The following PLXNB1 variants were observed in gnomAD, a reference collection of about 807,000 sequenced individuals.
PLXNB1 encodes the protein plexin B1.
Under a neutral mutation model 209.4 loss-of-function variants are expected in PLXNB1, and 106 were observed. That is an observed-to-expected ratio of 0.51 (90% confidence interval 0.43 to 0.59). PLXNB1 has a LOEUF of 0.59. Ranked by LOEUF, PLXNB1 falls within the 20% of genes least tolerant of loss-of-function variation. PLXNB1 has a pLI of 0.00. For missense variants in PLXNB1, 2,357 were observed against 2,853.2 expected, an observed-to-expected ratio of 0.83 and a Z score of 3.96; for synonymous variants, 1,167 against 1,183.2, an observed-to-expected ratio of 0.99 and a Z score of 0.28.
chr3:48,409,547 A>G lies in PLXNB1; in HGVS notation c.5939+24T>C, dbSNP rs1389107845. ...AAGAGAAGACCCCCCACACACACCTAGAGCCCACCCAGCTCCACCCCACCT... is the reference window on the plus strand; with the variant it reads ...AAGAGAAGACCCCCCACACACACCTGGAGCCCACCCAGCTCCACCCCACCT... On this transcript the variant is annotated intron_variant, in intron 33 of 37. Coordinates refer to ENST00000296440, the MANE Select transcript of PLXNB1 (RefSeq NM_001130082.3). The surrounding 1 kb of genome is among the most constrained non-coding windows in gnomAD (Gnocchi z 5.8). 16 of 1,613,734 alleles carry G rather than the reference A, an allele frequency of 9.9e-6. No individual in the cohort carries two copies. The highest frequency in any genetic ancestry group is 1.1e-5 in the Non-Finnish European group (13 of 1,179,736).
rs2038078599 is a variant in PLXNB1 at position 48,416,115 on chromosome 3, G to A, written c.3533C>T (p.Thr1178Ile). The A allele has an allele frequency of 6.3e-7, 1 of 1,599,372 alleles. No homozygotes were observed. ...FPARGPRAGG[T>I]RLTLNGSKLL... is the part of the protein sequence containing the mutation. ...CTTGGAGCCATTCAGGGTGAGACGG[G>A]TGCCCCCAGCTCTGGGGCCGCGGGC... Residue 1178 changes from threonine (T) to isoleucine (I), a missense_variant, in exon 18 of 38, where the codon ACC becomes ATC. Physicochemically the swap from Thr to Ile is moderately conservative, Grantham distance 89. Coordinates refer to ENST00000296440, the MANE Select transcript of PLXNB1 (RefSeq NM_001130082.3). This position sits in a 1 kb window ranked among gnomAD's most constrained non-coding sequence, Gnocchi z 4.1.
chr3:48,409,741 G>A lies in PLXNB1; in HGVS notation c.5779-10C>T. Reference sequence around the variant, plus strand: ...ACTTCTGCAGGGTGCCCTGTGGGAAGGAAGAAGCAGAGAGGTGTGGTCAGC... The same window carrying A: ...ACTTCTGCAGGGTGCCCTGTGGGAAAGAAGAAGCAGAGAGGTGTGGTCAGC... On this transcript the variant is annotated splice_polypyrimidine_tract_variant and intron_variant, in intron 32 of 37. Coordinates refer to ENST00000296440, the MANE Select transcript of PLXNB1 (RefSeq NM_001130082.3). This position sits in a 1 kb window ranked among gnomAD's most constrained non-coding sequence, Gnocchi z 5.8. 6.2e-7 allele frequency: 1 copy of A among 1,612,390 alleles called. No homozygotes were observed.
chr3:48,421,830 T>C lies in PLXNB1; in HGVS notation c.1521-24A>G, dbSNP rs780269689. 57 of 1,586,746 alleles carry C rather than the reference T, an allele frequency of 3.6e-5. No homozygotes were observed. The Middle Eastern group carries it at 6.7e-4, about 19-fold the overall frequency. ...ACCTGGGCGAGATGACCAGTGTCTA[T>C]CTGTGACCCTCATGGGCCACTGGGA... On this transcript the variant is annotated intron_variant, in intron 6 of 37. Coordinates refer to ENST00000296440, the MANE Select transcript of PLXNB1 (RefSeq NM_001130082.3).
chr3:48,418,994 C>T lies in PLXNB1; in HGVS notation c.2878G>A (p.Glu960Lys), dbSNP rs776915481. 5 of 1,614,044 alleles carry T rather than the reference C, an allele frequency of 3.1e-6. No homozygotes were observed. Among genetic ancestry groups the T allele is most frequent in the Middle Eastern group, 1.6e-4 (1 of 6,062 alleles). ...NECVMELEGL[E>K]VVVEARVECE... Reference sequence around the variant, plus strand: ...TCGACCCGGGCCTCAACCACCACCTCGAGGCCCTCCAGCTCCATCACACAC... The same window carrying T: ...TCGACCCGGGCCTCAACCACCACCTTGAGGCCCTCCAGCTCCATCACACAC... Residue 960 changes from glutamate to lysine, a missense_variant, in exon 13 of 38, where the codon GAG (glutamate) becomes AAG (lysine). Around this residue, in one of 7 missense-constraint regions of PLXNB1, gnomAD observed 410 missense variants for 401.0 expected, o/e 1.02. Coordinates refer to ENST00000296440, the MANE Select transcript of PLXNB1 (RefSeq NM_001130082.3). The surrounding 1 kb of genome is among the most constrained non-coding windows in gnomAD (Gnocchi z 6.6).
At position 48,421,262 on chromosome 3, in the gene PLXNB1, G is replaced by T. The variant is rs34087325; in HGVS notation, c.1776C>A (p.Asp592Glu). The change falls in exon 8 of 38, where the codon GAC becomes GAA. Residue 592 changes from aspartate to glutamate, a missense_variant. Around this residue, in one of 7 missense-constraint regions of PLXNB1, gnomAD observed 214 missense variants for 297.1 expected, o/e 0.72. Coordinates refer to ENST00000296440, the MANE Select transcript of PLXNB1 (RefSeq NM_001130082.3). The stretch of plus-strand genomic sequence containing the variant: ...TCGGCAGCACTGGGGCCTCACTAGG[G>T]TCTGGGGAGGGGCACATCACACCAG... ...TGSGVMCPSPDPSEAPVLPRG... is the reference protein window; with the variant it reads ...TGSGVMCPSPEPSEAPVLPRG... 6.2e-7 allele frequency: 1 copy of T among 1,613,092 alleles called. No homozygotes were observed. The highest frequency in any genetic ancestry group is 1.1e-5 in the South Asian group (1 of 90,934).
Position 48,411,134 on chromosome 3 carries a change from CCAATCCCCACGCACCACA to C in PLXNB1, c.5248-116_5248-99del. The C allele has an allele frequency of 1.0e-6, 1 of 999,264 alleles. No homozygotes were observed. Among genetic ancestry groups the C allele is most frequent in the Non-Finnish European group, 1.5e-6 (1 of 684,842 alleles). The allele number at this position is 999,264 out of a possible 1,614,324, so 61.9% of individuals were successfully genotyped here. A position where few individuals can be genotyped will look rare whatever the true frequency, so the allele number is the denominator to read the frequency against. ...GACAACTCATGAGAAACTGCTGCCT[CCAATCCCCACGCACCACA>C]CAATCCCTAATTCTCGTCTCTTCAC... On this transcript the variant is annotated intron_variant, in intron 28 of 37. Transcript: ENST00000296440. This position sits in a 1 kb window ranked among gnomAD's most constrained non-coding sequence, Gnocchi z 4.0.
At chr3:48,425,210 C>T (rs577238428) in intron 2 of PLXNB1, 71 bp downstream of exon 2, 2 of 153,030 alleles carry the variant, frequency 1.3e-5, no homozygotes, top group East Asian at 3.9e-4. Context: ...GGCTGCCCCC[C>T]ACCTCCGAGA....
In PLXNB1 at chr3:48,405,878, G is replaced by T; in HGVS notation, c.6229-80C>A. The T allele has an allele frequency of 8.8e-7, 1 of 1,137,882 alleles. No homozygotes were observed. 70.5% of individuals were successfully genotyped at this position (1,137,882 alleles called of 1,614,324 possible). On this transcript the variant is annotated intron_variant, in intron 36 of 37. Coordinates refer to ENST00000296440, the MANE Select transcript of PLXNB1 (RefSeq NM_001130082.3). The surrounding 1 kb of genome is among the most constrained non-coding windows in gnomAD (Gnocchi z 5.0). ...GGAGGCAGCCCAGGACCCCAGGGAA[G>T]GGCTGGGGGAGAAGGGGACCTGAGA...
chr3:48,421,075 G>C, intron 8 of PLXNB1, 119 bp from the exon 9 acceptor site: 1 of 1,254,128 alleles, frequency 8.0e-7, no homozygotes, highest in Non-Finnish European at 1.1e-6. Context: ...ACAGTCCAAG[G>C]GCACAGAATG....
rs202215455 is a variant in PLXNB1 at position 48,415,696 on chromosome 3, C to T, written c.3681G>A (p.Thr1227=). 2.1e-4 allele frequency: 324 copies of T among 1,555,168 alleles called. 1 individual carries two copies. The highest frequency in any genetic ancestry group is 1.6e-3 in the South Asian group (133 of 84,310). ...CETSPRPTPA[T]LPVAVWFGAT... ...CCCCAAACCACACAGCCACAGGGAG[C>T]GTGGCAGGCGTGGGGCGTGGGCTGG... The change falls in exon 19 of 38, where the codon ACG becomes ACA. Residue 1227 remains threonine, a synonymous_variant. Transcript: ENST00000296440. This position sits in a 1 kb window ranked among gnomAD's most constrained non-coding sequence, Gnocchi z 5.0.
Position 48,413,034 on chromosome 3 carries a change from G to A in PLXNB1, c.4636+35C>T, listed in dbSNP as rs2037804250. On this transcript the variant is annotated intron_variant, in intron 24 of 37. Transcript: ENST00000296440. This position sits in a 1 kb window ranked among gnomAD's most constrained non-coding sequence, Gnocchi z 5.4. Reference sequence around the variant, plus strand: ...TGTGATGGGAGTGGGTTTGGGCAGAGTTCTGGAGGGCGGGGCCCATTCTCT... The same window carrying A: ...TGTGATGGGAGTGGGTTTGGGCAGAATTCTGGAGGGCGGGGCCCATTCTCT... 1.2e-6 allele frequency: 2 copies of A among 1,609,024 alleles called. No homozygotes were observed. Among genetic ancestry groups the A allele is most frequent in the South Asian group, 1.1e-5 (1 of 90,964 alleles).
Position 48,416,450 on chromosome 3 carries a change from G to A in PLXNB1, c.3376C>T (p.Leu1126Phe), listed in dbSNP as rs1236162242. 5 of 1,610,490 alleles carry A rather than the reference G, an allele frequency of 3.1e-6. No homozygotes were observed. Among genetic ancestry groups the A allele is most frequent in the Non-Finnish European group, 3.4e-6 (4 of 1,178,032 alleles). The change falls in exon 17 of 38, where the codon CTC (leucine) becomes TTC (phenylalanine). Residue 1126 changes from leucine (L) to phenylalanine (F), a missense_variant and splice_region_variant. Coordinates refer to ENST00000296440, the MANE Select transcript of PLXNB1 (RefSeq NM_001130082.3). This position sits in a 1 kb window ranked among gnomAD's most constrained non-coding sequence, Gnocchi z 4.1. ...DAQEYEVSSS[L>F]VCITGASGEE... ...CCACTGGCCCCGGTGATGCACACGA[G>A]GCTGTAGGCACAGGGCAGGCTAGGG...
chr3:48,410,337 T>C lies in PLXNB1; in HGVS notation c.5564A>G (p.Lys1855Arg), dbSNP rs372617983. 6 of 1,613,286 alleles carry C rather than the reference T, an allele frequency of 3.7e-6. No homozygotes were observed. The African/African-American group carries it at 5.3e-5, about 14-fold the overall frequency. The change falls in exon 31 of 38, where the codon AAG becomes AGG. Residue 1855 changes from lysine (K) to arginine (R), a missense_variant. Physicochemically the swap from Lys to Arg is conservative, Grantham distance 26. Coordinates refer to ENST00000296440, the MANE Select transcript of PLXNB1 (RefSeq NM_001130082.3). The surrounding 1 kb of genome is among the most constrained non-coding windows in gnomAD (Gnocchi z 6.4). ...ATVALVPCLT[K>R]HVLRENQDYV... Reference sequence around the variant, plus strand: ...ATCCTGGTTTTCCCGGAGCACATGCTTGGTGAGGCAGGGGACGAGGGCCAC... The same window carrying C: ...ATCCTGGTTTTCCCGGAGCACATGCCTGGTGAGGCAGGGGACGAGGGCCAC...
chr3:48,423,356 G>A (rs1300211168), intron 3 of PLXNB1, 149 bp downstream of exon 3: 1 of 868,302 alleles, frequency 1.2e-6, no homozygotes, highest in Non-Finnish European at 1.8e-6. Flanking sequence ...CCACTGCCCA[G>A]GCAACATAGG....
chr3:48,423,030 C>T (rs1222628124), intron 3 of PLXNB1, 83 bp from the exon 4 acceptor site: 3 of 1,235,936 alleles, frequency 2.4e-6, no homozygotes, highest in Admixed American at 4.1e-5. Context: ...TCATTCCCTC[C>T]CCCAGCCGCT....
chr3:48,423,522 A>G lies in PLXNB1; in HGVS notation c.1090T>C (p.Cys364Arg). 6.2e-7 allele frequency: 1 copy of G among 1,613,382 alleles called. No individual in the cohort carries two copies. Among genetic ancestry groups the G allele is most frequent in the Non-Finnish European group, 8.5e-7 (1 of 1,179,344 alleles). ...GAACTCACCACTGGCAGCTGTGCACAGTCAGAATTGACATCATACTCGATG... is the reference window on the plus strand; with the variant it reads ...GAACTCACCACTGGCAGCTGTGCACGGTCAGAATTGACATCATACTCGATG... Reference protein sequence around the residue: ...AYIEYDVNSDCAQLPVDTLDA... With the variant: ...AYIEYDVNSDRAQLPVDTLDA... The change falls in exon 3 of 38, where the codon TGT becomes CGT. Residue 364 changes from cysteine to arginine, a missense_variant. Physicochemically the swap from Cys to Arg is radical, Grantham distance 180. Transcript: ENST00000296440.
chr3:48,418,773 G>T lies in PLXNB1; in HGVS notation c.2955+144C>A. On this transcript the variant is annotated intron_variant, in intron 13 of 37. Transcript: ENST00000296440. This position sits in a 1 kb window ranked among gnomAD's most constrained non-coding sequence, Gnocchi z 6.6. ...GGACTCCACGGGGCACATGGTCAGAGGTCAGAAATGGGTGTGGAGACTCCC... is the reference window on the plus strand; with the variant it reads ...GGACTCCACGGGGCACATGGTCAGATGTCAGAAATGGGTGTGGAGACTCCC... 9.2e-7 allele frequency: 1 copy of T among 1,086,544 alleles called. No individual in the cohort carries two copies. Among genetic ancestry groups the T allele is most frequent in the Non-Finnish European group, 1.4e-6 (1 of 733,556 alleles). 67.3% of individuals were successfully genotyped at this position (1,086,544 alleles called of 1,614,324 possible).
At position 48,417,326 on chromosome 3, in the gene PLXNB1, G is replaced by C. The variant is rs1400131272; in HGVS notation, c.3374+585C>G. On this transcript the variant is annotated intron_variant, in intron 16 of 37. Coordinates refer to ENST00000296440, the MANE Select transcript of PLXNB1 (RefSeq NM_001130082.3). This position sits in a 1 kb window ranked among gnomAD's most constrained non-coding sequence, Gnocchi z 4.4. ...TGATATTCAGCCACGTTTGGGCCCT[G>C]CTGCTTATGGACATCTCCTTAGGAA... 1.3e-5 allele frequency among the ~76,000 whole-genome samples: 2 copies of C among 152,238 alleles called. No individual in the cohort carries two copies. Among genetic ancestry groups the C allele is most frequent in the Non-Finnish European group, 2.9e-5 (2 of 68,038 alleles).
intron 1 of PLXNB1, among the ~76,000 whole-genome samples, chr3:48,425,817 CACACACACACACACACACAG>C (rs1201520578): frequency 3.3e-5 from 5 of 150,706 alleles, no homozygotes; most frequent in African/African-American, 5.0e-5. Context: ...CACACACACA[CACACACACACACACACACAG>C]AGAGAGAGAG....
Sources: gnomAD v4.1 joint callset for allele counts (sites outside exome capture counted in the v4.1 genomes callset) on GRCh38, gnomAD v4.1.1 for gene constraint, gnomAD v4.1.1 regional missense constraint, Gnocchi (gnomAD v3.1) non-coding constraint, MANE v1.5 for transcripts, NCBI Gene and HGNC (gene_info 2026-07-23, HGNC 2026-07-21) for gene names.